Variants in TSHZ3 observed in about 807,000 individuals in gnomAD.
The protein encoded by TSHZ3 is teashirt homolog 3.
Under a neutral mutation model 64.5 loss-of-function variants are expected in TSHZ3, and 10 were observed. The ratio of observed to expected loss-of-function variants is 0.16; its 90% CI spans 0.10 to 0.26. The LOEUF is 0.26. Ranked by LOEUF, TSHZ3 falls within the 10% of genes least tolerant of loss-of-function variation. The pLI is 1.00. For missense variants in TSHZ3, 1,242 were observed against 1,421.7 expected (o/e 0.87, Z 2.03); for synonymous variants, 608 against 593.1 (o/e 1.03, Z -0.36).
chr19:31,343,179 G>A (rs1917486197), intron 1 of TSHZ3, among the ~76,000 whole-genome samples: 1 of 152,170 alleles, frequency 6.6e-6, no homozygotes, highest in Non-Finnish European at 1.5e-5. Flanking sequence ...TGTTCTGGAT[G>A]AAGAAAACAC....
intron 1 of TSHZ3, among the ~76,000 whole-genome samples, chr19:31,322,045 T>C (rs1406286882): frequency 6.6e-6 from 1 of 151,994 alleles, no homozygotes; most frequent in East Asian, 1.9e-4. Flanking sequence ...ATGTTCTCAT[T>C]GTTCAACTCC....
chr19:31,324,111 C>T (rs1916863322), intron 1 of TSHZ3, among the ~76,000 whole-genome samples: 1 of 152,156 alleles, frequency 6.6e-6, no homozygotes, highest in Admixed American at 6.5e-5. Context: ...CACAGCCAAG[C>T]CCTCAAGGCT....
chr19:31,322,719 C>A (rs1457913160), intron 1 of TSHZ3, among the ~76,000 whole-genome samples: 1 of 152,216 alleles, frequency 6.6e-6, no homozygotes, highest in Non-Finnish European at 1.5e-5. Flanking sequence ...CATCCCCAGC[C>A]AGTACTTACT....
At chr19:31,169,743 G>T (rs2047336) in intron 5 of TSHZ3, among the ~76,000 whole-genome samples, 115,659 of 152,078 alleles carry the variant, frequency 0.76, 44,761 homozygotes, top group African/African-American at 0.9. Flanking sequence ...CAGAATGCCA[G>T]TAAGGGTGAG....
chr19:31,164,264 G>A (rs1017542012), intron 5 of TSHZ3, among the ~76,000 whole-genome samples: 3 of 152,132 alleles, frequency 2.0e-5, no homozygotes, highest in Non-Finnish European at 2.9e-5. Flanking sequence ...TGAATGCCCC[G>A]CTGTTCCTGC....
At chr19:31,308,911 C>A (rs559486278) in intron 1 of TSHZ3, among the ~76,000 whole-genome samples, 144 of 152,304 alleles carry the variant, frequency 9.5e-4, no homozygotes, top group Admixed American at 1.6e-3. Context: ...GAGCTGAGAC[C>A]AGATTCCACG....
At chr19:31,164,564 G>A (rs146229684) in intron 5 of TSHZ3, among the ~76,000 whole-genome samples, 1 of 152,244 alleles carries the variant, frequency 6.6e-6, no homozygotes, top group African/African-American at 2.4e-5. Flanking sequence ...ACTGTGCTAG[G>A]AGCCAGAGCC....
chr19:31,249,975 G>A (rs62101252), intron 1 of TSHZ3, among the ~76,000 whole-genome samples: 4 of 152,158 alleles, frequency 2.6e-5, no homozygotes, highest in Non-Finnish European at 5.9e-5. Context: ...CTGGAGCCTC[G>A]GTTCTCCTGG....
chr19:31,349,254 C>CCGCCGA lies in TSHZ3; in HGVS notation c.-36_-35insTCGGCG. ...CCGGCGACTGCCACTGCCGCCGCCG[C>CCGCCGA]CGCCGCTGCCGGGCTGAGGACAGGG... is the stretch of plus-strand genomic sequence containing the variant. On this transcript the variant is annotated 5_prime_UTR_variant, in exon 1 of 2. Coordinates refer to ENST00000240587, the MANE Select transcript of TSHZ3 (RefSeq NM_020856.4). 3 of 1,526,696 alleles carry CCGCCGA rather than the reference C, an allele frequency of 2.0e-6. No individual in the cohort carries two copies. Among genetic ancestry groups the CCGCCGA allele is most frequent in the Non-Finnish European group, 2.6e-6 (3 of 1,140,174 alleles). 94.6% of individuals were successfully genotyped at this position (1,526,696 alleles called of 1,614,324 possible). A position where few individuals can be genotyped will look rare whatever the true frequency, so the allele number is the denominator to read the frequency against.
intron 1 of TSHZ3, among the ~76,000 whole-genome samples, chr19:31,254,268 G>A (rs969014294): frequency 6.6e-6 from 1 of 152,208 alleles, no homozygotes. Flanking sequence ...CCTGGTTAGG[G>A]ATGCTGGGTA....
At chr19:31,213,433 G>A (rs922976046) in intron 4 of TSHZ3, among the ~76,000 whole-genome samples, 2 of 140,322 alleles carry the variant, frequency 1.4e-5, no homozygotes, top group Non-Finnish European at 3.0e-5. Flanking sequence ...TGAATAGGCA[G>A]AGCACAGAAG....
At chr19:31,314,617 T>A (rs1037296952) in intron 1 of TSHZ3, among the ~76,000 whole-genome samples, 1 of 152,242 alleles carries the variant, frequency 6.6e-6, no homozygotes, top group African/African-American at 2.4e-5. Flanking sequence ...AGATTCGTAT[T>A]TTGCAATAGA....
At chr19:31,281,801 G>A (rs8105026) in intron 1 of TSHZ3, among the ~76,000 whole-genome samples, 5,776 of 152,282 alleles carry the variant, frequency 0.038, 372 homozygotes, top group African/African-American at 0.13. Flanking sequence ...AGACTTCCTC[G>A]GCATGCAGCA....
At chr19:31,228,583 G>T (rs1975501994) in intron 3 of TSHZ3, among the ~76,000 whole-genome samples, 1 of 151,434 alleles carries the variant, frequency 6.6e-6, no homozygotes, top group Non-Finnish European at 1.5e-5. Flanking sequence ...AAGAATATGT[G>T]TCTTATTTTT....
intron 1 of TSHZ3, among the ~76,000 whole-genome samples, chr19:31,320,436 T>C (rs1916734737): frequency 6.6e-6 from 1 of 152,228 alleles, no homozygotes; most frequent in South Asian, 2.1e-4. Flanking sequence ...GTGTGAATGT[T>C]ATTTATTTAA....
chr19:31,257,100 G>A (rs1975920599), intron 1 of TSHZ3, among the ~76,000 whole-genome samples: 2 of 152,174 alleles, frequency 1.3e-5, no homozygotes, highest in African/African-American at 2.4e-5. Flanking sequence ...TTTCCTCCCT[G>A]GCTTCAGGGA....
intron 5 of TSHZ3, among the ~76,000 whole-genome samples, chr19:31,186,864 G>T (rs1360202116): frequency 6.6e-6 from 1 of 151,872 alleles, no homozygotes; most frequent in Non-Finnish European, 1.5e-5. Context: ...TGAAGTATTT[G>T]TTCACACGTT....
At chr19:31,175,957 A>G (rs1272408682) in intron 5 of TSHZ3, among the ~76,000 whole-genome samples, 1 of 152,216 alleles carries the variant, frequency 6.6e-6, no homozygotes, top group African/African-American at 2.4e-5. Flanking sequence ...GCCTATGATT[A>G]TTACTTCTCT....
intron 5 of TSHZ3, among the ~76,000 whole-genome samples, chr19:31,183,867 T>G (rs927281971): frequency 6.6e-6 from 1 of 152,170 alleles, no homozygotes; most frequent in Non-Finnish European, 1.5e-5. Context: ...CATATATTAG[T>G]GCCGAACAGT....
Sources: gnomAD v4.1 joint callset for allele counts (sites outside exome capture counted in the v4.1 genomes callset) on GRCh38, gnomAD v4.1.1 for gene constraint, MANE v1.5 for transcripts, NCBI Gene and HGNC (gene_info 2026-07-23, HGNC 2026-07-21) for gene names.